Variants in TENM2 observed in about 807,000 individuals in gnomAD.
The protein encoded by TENM2 is teneurin transmembrane protein 2.
In TENM2, 52 loss-of-function variants were observed where a neutral mutation model predicts 245.2. The observed-to-expected ratio is 0.21, with a 90% confidence interval of 0.17 to 0.27. The LOEUF is 0.27. Ranked by LOEUF, TENM2 falls within the 10% of genes least tolerant of loss-of-function variation. The probability of loss-of-function intolerance (pLI) is 1.00; values close to 1 mark genes in which losing one functional copy is unlikely to be tolerated. For missense variants in TENM2, 3,046 were observed against 3,666.8 expected, an observed-to-expected ratio of 0.83 and a Z score of 4.37; for synonymous variants, 1,363 against 1,438.9, an observed-to-expected ratio of 0.95 and a Z score of 1.19.
intron 3 of TENM2, among the ~76,000 whole-genome samples, chr5:167,897,483 C>T (rs1775312489): frequency 6.6e-6 from 1 of 152,218 alleles, no homozygotes; most frequent in Non-Finnish European, 1.5e-5. Flanking sequence ...TTATAAACCC[C>T]ATTCCAGCTT....
At chr5:167,689,169 G>A (rs1388859295) in intron 2 of TENM2, among the ~76,000 whole-genome samples, 2 of 152,184 alleles carry the variant, frequency 1.3e-5, no homozygotes, top group South Asian at 2.1e-4. Flanking sequence ...AGGAGAAGGC[G>A]AGAACAGCCT....
intron 2 of TENM2, among the ~76,000 whole-genome samples, chr5:167,515,033 A>G (rs1770228446): frequency 6.6e-6 from 1 of 152,172 alleles, no homozygotes; most frequent in Non-Finnish European, 1.5e-5. Context: ...ACAAACAAAA[A>G]AAGAAATGTA....
At chr5:167,606,131 G>C (rs1777023417) in intron 2 of TENM2, among the ~76,000 whole-genome samples, 1 of 152,156 alleles carries the variant, frequency 6.6e-6, no homozygotes, top group Non-Finnish European at 1.5e-5. Context: ...CGCTGCCCTG[G>C]ACCTTGAGCC....
At chr5:167,962,495 C>A (rs890699065) in intron 4 of TENM2, among the ~76,000 whole-genome samples, 1 of 152,200 alleles carries the variant, frequency 6.6e-6, no homozygotes, top group Admixed American at 6.5e-5. Flanking sequence ...TAGTCATAGT[C>A]CATAGAACTG....
At chr5:168,236,210 A>G (rs116196643) in intron 25 of TENM2, among the ~76,000 whole-genome samples, 1,709 of 152,316 alleles carry the variant, frequency 0.011, 41 homozygotes, top group African/African-American at 0.038. Context: ...CTTCTTGGAC[A>G]CTAGGAAATA....
chr5:167,266,658 C>G, the TENM2 span, among the ~76,000 whole-genome samples: 1 of 152,022 alleles, frequency 6.6e-6, no homozygotes, highest in Non-Finnish European at 1.5e-5. Flanking sequence ...TTATTTGATT[C>G]CTTATCTGTA....
the TENM2 span, among the ~76,000 whole-genome samples, chr5:167,114,119 A>G: frequency 6.6e-6 from 1 of 152,172 alleles, no homozygotes; most frequent in African/African-American, 2.4e-5. Flanking sequence ...AAAGAGCCAC[A>G]TCGATTTTCA....
intron 2 of TENM2, among the ~76,000 whole-genome samples, chr5:167,514,941 G>A (rs1215483627): frequency 6.6e-6 from 1 of 152,144 alleles, no homozygotes; most frequent in Non-Finnish European, 1.5e-5. Flanking sequence ...AACCCGAGAG[G>A]CGGAGGTTGC....
chr5:167,702,758 G>T (rs1202562676), intron 2 of TENM2, among the ~76,000 whole-genome samples: 1 of 151,930 alleles, frequency 6.6e-6, no homozygotes, highest in Admixed American at 6.6e-5. Flanking sequence ...TCCGCCTCCT[G>T]GGCTCAAGCG....
At chr5:167,421,630 G>T (rs369172327) in intron 2 of TENM2, among the ~76,000 whole-genome samples, 3 of 152,080 alleles carry the variant, frequency 2.0e-5, no homozygotes, top group Non-Finnish European at 2.9e-5. Flanking sequence ...GCTCTTCCAC[G>T]TCCATTAGCT....
chr5:168,199,170 T>G, intron 16 of TENM2, 56 bp downstream of exon 18: 3 of 1,550,948 alleles, frequency 1.9e-6, no homozygotes, highest in Non-Finnish European at 2.6e-6. Flanking sequence ...GAAAACCAAC[T>G]GGACACTGCC....
the TENM2 span, among the ~76,000 whole-genome samples, chr5:167,195,696 A>G: frequency 1.0e-3 from 157 of 152,128 alleles, no homozygotes; most frequent in African/African-American, 3.7e-3. Flanking sequence ...TAATGCTATC[A>G]TTATTATCAC....
the TENM2 span, among the ~76,000 whole-genome samples, chr5:167,010,807 A>G: frequency 6.6e-6 from 1 of 152,210 alleles, no homozygotes; most frequent in African/African-American, 2.4e-5. Context: ...TTAATATGAT[A>G]GTGGTGAAGA....
chr5:167,754,848 C>G (rs944847402), intron 2 of TENM2: 4 of 502,692 alleles, frequency 8.0e-6, no homozygotes, highest in Non-Finnish European at 1.3e-5. Context: ...GGCGTCCTCC[C>G]CAACTAATTC....
At chr5:167,304,002 C>T (rs1424081495) in intron 1 of TENM2, among the ~76,000 whole-genome samples, 1 of 152,168 alleles carries the variant, frequency 6.6e-6, no homozygotes, top group African/African-American at 2.4e-5. Flanking sequence ...GTAATGGTCA[C>T]TTGTGGAACA....
the TENM2 span, among the ~76,000 whole-genome samples, chr5:167,042,663 C>G: frequency 6.6e-6 from 1 of 152,080 alleles, no homozygotes; most frequent in Non-Finnish European, 1.5e-5. Flanking sequence ...TTTTCCAAGA[C>G]AGTTTTGAGG....
intron 4 of TENM2, among the ~76,000 whole-genome samples, chr5:167,987,618 G>T (rs765996384): frequency 3.9e-5 from 6 of 152,058 alleles, no homozygotes; most frequent in Non-Finnish European, 8.8e-5. Context: ...ACCATGCCCA[G>T]CCACTAGGGA....
At position 168,171,000 on chromosome 5, in the gene TENM2, C is replaced by T. The variant is rs79859248; in HGVS notation, c.2569+8243C>T. 6.2e-3 allele frequency among the ~76,000 whole-genome samples: 937 copies of T among 152,298 alleles called. 13 individuals are homozygous for T. Among genetic ancestry groups the T allele is most frequent in the African/African-American group, 0.02 (842 of 41,560 alleles). On this transcript the variant is annotated intron_variant, in intron 13 of 28. Coordinates refer to ENST00000518659, the Ensembl canonical transcript of TENM2. ...GAAGCTCTGCCTCATCCACTCTGGCCGGTGTTTAGACTGCACAAGTGCAAA... is the reference window on the plus strand; with the variant it reads ...GAAGCTCTGCCTCATCCACTCTGGCTGGTGTTTAGACTGCACAAGTGCAAA...
chr5:168,068,545 C>A (rs1208076476), intron 7 of TENM2, among the ~76,000 whole-genome samples: 2 of 151,980 alleles, frequency 1.3e-5, no homozygotes, highest in Non-Finnish European at 2.9e-5. Flanking sequence ...ATTAATAAAT[C>A]ACATGTATAA....
Sources: allele counts gnomAD v4.1 joint callset (sites outside exome capture counted in the v4.1 genomes callset), GRCh38; gene constraint gnomAD v4.1.1; transcripts MANE v1.5; gene names NCBI Gene and HGNC (gene_info 2026-07-23, HGNC 2026-07-21).